The following CPS1 variants were observed in gnomAD, a reference collection of about 807,000 sequenced individuals.
CPS1 encodes the protein carbamoyl-phosphate synthase 1.
In CPS1, 109 loss-of-function variants were observed where a neutral mutation model predicts 174.6. The ratio of observed to expected loss-of-function variants is 0.62; its 90% CI spans 0.53 to 0.73. The LOEUF (loss-of-function observed/expected upper bound fraction) is 0.73, where lower values mean the gene tolerates loss of function less well. Among genes scored for constraint, CPS1 ranks in the 30% least tolerant of loss-of-function variants. CPS1 has a pLI of 0.00. For missense variants in CPS1, 1,689 were observed against 1,821.9 expected, an observed-to-expected ratio of 0.93 and a Z score of 1.33; for synonymous variants, 637 against 632.0, an observed-to-expected ratio of 1.01 and a Z score of -0.12.
chr2:210,545,183 A>G (rs1399054750), intron 1 of CPS1, among the ~76,000 whole-genome samples: 1 of 152,030 alleles, frequency 6.6e-6, no homozygotes. Flanking sequence ...GGTCATGGCA[A>G]TCCTGTTTCC....
At chr2:210,531,185 T>C (rs1344510028) in intron 1 of CPS1, among the ~76,000 whole-genome samples, 1 of 151,954 alleles carries the variant, frequency 6.6e-6, no homozygotes, top group East Asian at 1.9e-4. Context: ...TGAGAGATCA[T>C]GGCCTTGGGG....
At chr2:210,608,808 G>A (rs1464952495) in intron 19 of CPS1, among the ~76,000 whole-genome samples, 1 of 151,830 alleles carries the variant, frequency 6.6e-6, no homozygotes, top group Non-Finnish European at 1.5e-5. Flanking sequence ...TATTCAAAAG[G>A]TGAGGCCATA....
intron 16 of CPS1, among the ~76,000 whole-genome samples, chr2:210,602,914 T>C (rs1698776418): frequency 6.6e-6 from 1 of 151,992 alleles, no homozygotes; most frequent in South Asian, 2.1e-4. Context: ...GGGTTTATAA[T>C]TTATTTTCTA....
At chr2:210,544,128 G>A (rs1255807818) in intron 1 of CPS1, among the ~76,000 whole-genome samples, 1 of 152,052 alleles carries the variant, frequency 6.6e-6, no homozygotes, top group African/African-American at 2.4e-5. Flanking sequence ...GATAGAATGA[G>A]GTTATGACAG....
chr2:210,645,085 C>T (rs1179257071), intron 25 of CPS1, among the ~76,000 whole-genome samples: 5 of 152,058 alleles, frequency 3.3e-5, no homozygotes, highest in Non-Finnish European at 7.4e-5. Flanking sequence ...CTACATGTCC[C>T]GTGATATTTG....
intron 1 of CPS1, among the ~76,000 whole-genome samples, chr2:210,493,864 G>A (rs1157454841): frequency 4.8e-5 from 7 of 146,684 alleles, no homozygotes; most frequent in African/African-American, 1.7e-4. Context: ...TTTGTAGTTT[G>A]TAGAGGAATT....
chr2:210,621,367 A>G (rs1409487690), intron 21 of CPS1, among the ~76,000 whole-genome samples: 2 of 152,178 alleles, frequency 1.3e-5, no homozygotes, highest in Admixed American at 1.3e-4. Flanking sequence ...TCACATTGTC[A>G]GATCACCCTG....
chr2:210,545,522 A>G (rs1008619081), intron 1 of CPS1, among the ~76,000 whole-genome samples: 2 of 152,028 alleles, frequency 1.3e-5, no homozygotes, highest in Non-Finnish European at 2.9e-5. Flanking sequence ...TAATTTCATA[A>G]GTTTTTGAGA....
intron 34 of CPS1, among the ~76,000 whole-genome samples, chr2:210,669,368 A>G (rs1028062125): frequency 6.6e-5 from 10 of 152,162 alleles, no homozygotes; most frequent in East Asian, 1.9e-4. Flanking sequence ...CTTGGGTCCT[A>G]TGAAAAACAA....
At chr2:210,610,561 G>A (rs566928532) in intron 19 of CPS1, among the ~76,000 whole-genome samples, 1 of 152,000 alleles carries the variant, frequency 6.6e-6, no homozygotes, top group African/African-American at 2.4e-5. Context: ...TGAGAATATA[G>A]TAGAATAGGG....
intron 1 of CPS1, among the ~76,000 whole-genome samples, chr2:210,521,637 A>G (rs1358072872): frequency 6.6e-6 from 1 of 152,018 alleles, no homozygotes; most frequent in Non-Finnish European, 1.5e-5. Flanking sequence ...GATTTTTAAT[A>G]TCAGACATTG....
At chr2:210,608,655 C>G in intron 19 of CPS1, 96 bp downstream of exon 19, 1 of 1,153,712 alleles carries the variant, frequency 8.7e-7, no homozygotes, top group Non-Finnish European at 1.3e-6. Flanking sequence ...TGGATACCAT[C>G]AACACATGGA....
chr2:210,595,748 A>G (rs1698462174), intron 13 of CPS1, among the ~76,000 whole-genome samples, 166 bp downstream of exon 13: 1 of 151,986 alleles, frequency 6.6e-6, no homozygotes, highest in African/African-American at 2.4e-5. Context: ...ATCACGAGCA[A>G]GAATTTCAAC....
intron 1 of CPS1, among the ~76,000 whole-genome samples, chr2:210,514,909 C>T (rs566280282): frequency 6.7e-5 from 10 of 149,312 alleles, no homozygotes; most frequent in African/African-American, 2.2e-4. Context: ...AATCATTAAG[C>T]GATGTTGGAT....
intron 1 of CPS1, among the ~76,000 whole-genome samples, chr2:210,536,518 G>C (rs1432452275): frequency 6.6e-6 from 1 of 151,994 alleles, no homozygotes; most frequent in Non-Finnish European, 1.5e-5. Flanking sequence ...AGAGACGACA[G>C]GGTTTCACCG....
intron 22 of CPS1, 83 bp downstream of exon 22, chr2:210,637,926 T>C: frequency 6.7e-7 from 1 of 1,486,170 alleles, no homozygotes; most frequent in Non-Finnish European, 9.4e-7. Flanking sequence ...AAGGCCATTG[T>C]TAATAAAAAG....
At chr2:210,669,190 GA>G (rs1161973532) in intron 34 of CPS1, among the ~76,000 whole-genome samples, 1 of 152,086 alleles carries the variant, frequency 6.6e-6, no homozygotes, top group Non-Finnish European at 1.5e-5. Context: ...AGGGCAAAAT[GA>G]TAGGAAACTT....
At chr2:210,559,832 TTA>T (rs1697040956) in intron 1 of CPS1, among the ~76,000 whole-genome samples, 1 of 152,124 alleles carries the variant, frequency 6.6e-6, no homozygotes, top group African/African-American at 2.4e-5. Flanking sequence ...ACTTGACAAA[TTA>T]TGTGATTGTC....
intron 1 of CPS1, among the ~76,000 whole-genome samples, chr2:210,530,932 G>T (rs1450657160): frequency 6.6e-6 from 1 of 151,722 alleles, no homozygotes; most frequent in Non-Finnish European, 1.5e-5. Flanking sequence ...AGTAAGCTTG[G>T]ACAACAATTG....
Sources: gnomAD v4.1 joint callset for allele counts (sites outside exome capture counted in the v4.1 genomes callset) on GRCh38, gnomAD v4.1.1 for gene constraint, MANE v1.5 for transcripts, NCBI Gene and HGNC (gene_info 2026-07-23, HGNC 2026-07-21) for gene names.